KCNH4: variants seen among roughly 807,000 people sequenced by gnomAD.
KCNH4 encodes voltage-gated delayed rectifier potassium channel KCNH4.
A neutral mutation model predicts 90.7 loss-of-function variants in KCNH4; 33 were observed. The ratio of observed to expected loss-of-function variants is 0.36; its 90% CI spans 0.28 to 0.49. KCNH4 has a LOEUF of 0.49. KCNH4 is among the 20% of genes least tolerant of loss of function. The pLI is 0.98. For synonymous variants in KCNH4, 551 were observed against 581.7 expected (o/e 0.95, Z 0.76); for missense variants, 1,044 against 1,387.1 (o/e 0.75, Z 3.93).
At chr17:42,175,220 G>A (rs550158370) in intron 6 of KCNH4, among the ~76,000 whole-genome samples, 17 of 152,300 alleles carry the variant, frequency 1.1e-4, no homozygotes, top group Admixed American at 9.8e-4. Context: ...TTTCCCCACA[G>A]TGGCCATGCC....
intron 6 of KCNH4, among the ~76,000 whole-genome samples, chr17:42,172,814 C>G (rs1408264105): frequency 1.3e-5 from 2 of 151,906 alleles, no homozygotes; most frequent in African/African-American, 2.4e-5. Flanking sequence ...AGGCAACAGT[C>G]TCTGCAGAGC....
intron 10 of KCNH4, 32 bp from the exon 11 acceptor site, chr17:42,165,725 G>T (rs1262040585): frequency 1.2e-6 from 2 of 1,612,548 alleles, no homozygotes; most frequent in Non-Finnish European, 8.5e-7. Flanking sequence ...AGTCAGCTGG[G>T]GCAGTGAGAA....
At chr17:42,166,253 G>A (rs753918700) in intron 10 of KCNH4, 44 bp downstream of exon 10, 2 of 1,546,732 alleles carry the variant, frequency 1.3e-6, no homozygotes, top group African/African-American at 1.4e-5. Context: ...GGGGTTGCGG[G>A]GGGTGGTTCC....
chr17:42,179,062 G>A (rs1163019344), intron 1 of KCNH4, 36 bp from the exon 2 acceptor site: 44 of 1,536,016 alleles, frequency 2.9e-5, no homozygotes, highest in Non-Finnish European at 4.0e-5. Context: ...GGTCAAGGCT[G>A]GGAGGCGAGC....
intron 4 of KCNH4, 75 bp downstream of exon 4, chr17:42,178,025 G>A: frequency 6.4e-7 from 1 of 1,557,792 alleles, no homozygotes; most frequent in Non-Finnish European, 8.7e-7. Context: ...CAGGGAAGTG[G>A]GGAGACAGTG....
In KCNH4 at chr17:42,178,144, C is replaced by G. The variant is rs1000010324; in HGVS notation, c.541G>C (p.Gly181Arg). The G allele has an allele frequency of 3.7e-6, 6 of 1,614,012 alleles. No individual in the cohort carries two copies. The highest frequency in any genetic ancestry group is 3.3e-4 in the Middle Eastern group (2 of 6,084). Residue 181 changes from glycine (G) to arginine (R), a missense_variant, in exon 4 of 17, where the codon GGC becomes CGC. Around this residue, in one of 4 missense-constraint regions of KCNH4, gnomAD observed 283 missense variants for 378.6 expected, o/e 0.75. Coordinates refer to ENST00000264661, the MANE Select transcript of KCNH4 (RefSeq NM_012285.3). The part of the protein sequence containing the change: ...RSRTVLHRLT[G>R]HFGRRGQGGM... ...CCCTGGCCCCGGCGGCCAAAGTGGC[C>G]GGTCAGTCGGTGTAGGACAGTACGG...
At chr17:42,169,989 G>C in intron 8 of KCNH4, 118 bp downstream of exon 8, 3 of 1,071,878 alleles carry the variant, frequency 2.8e-6, no homozygotes, top group Non-Finnish European at 4.0e-6. Context: ...ATGAATGCGT[G>C]ACTGTCTGGA....
chr17:42,171,852 G>C lies in KCNH4; in HGVS notation c.1131C>G (p.Ala377=). 1 of 1,614,188 alleles carries C rather than the reference G, an allele frequency of 6.2e-7. No individual in the cohort carries two copies. Residue 377 remains alanine (A), a synonymous_variant, in exon 7 of 17, where the codon GCC becomes GCG. Coordinates refer to ENST00000264661, the MANE Select transcript of KCNH4 (RefSeq NM_012285.3). ...GGCGCCCGATGACATACCAGATGCA[G>C]GCCATCCAGTGGGCAAGGAGCGCAA... The part of the protein sequence containing the change: ...SVFALLAHWM[A]CIWYVIGRRE...
chr17:42,169,325 C>G (rs1457313147), intron 9 of KCNH4, 152 bp downstream of exon 9: 9 of 699,640 alleles, frequency 1.3e-5, no homozygotes, highest in Non-Finnish European at 1.9e-5. Flanking sequence ...AGTGACCTGC[C>G]CGCCTCAGCC....
intron 9 of KCNH4, among the ~76,000 whole-genome samples, chr17:42,168,760 TTTTTTA>T (rs879696086): frequency 2.1e-5 from 2 of 97,548 alleles, no homozygotes; most frequent in Non-Finnish European, 1.8e-5. Context: ...ATTTATTTAT[TTTTTTA>T]TTTTTATTTT....
intron 5 of KCNH4, 69 bp from the exon 6 acceptor site, chr17:42,175,805 C>A (rs2079856619): frequency 1.9e-6 from 3 of 1,579,922 alleles, no homozygotes; most frequent in Non-Finnish European, 2.6e-6. Context: ...AAGCTGGGAA[C>A]AAGCTTTGGA....
chr17:42,166,694 T>A, intron 9 of KCNH4, 148 bp from the exon 10 acceptor site: 2 of 1,021,754 alleles, frequency 2.0e-6, no homozygotes, highest in Non-Finnish European at 2.8e-6. Context: ...CCTCTGTGTC[T>A]AACCTCAATT....
chr17:42,178,677 TCA>T (rs933602222), intron 2 of KCNH4, 114 bp downstream of exon 2: 1 of 1,147,952 alleles, frequency 8.7e-7, no homozygotes, highest in African/African-American at 1.5e-5. Context: ...ATACGCTCCG[TCA>T]CAGTCAGCTT....
At chr17:42,170,468 T>C (rs540496054) in intron 7 of KCNH4, among the ~76,000 whole-genome samples, 167 bp from the exon 8 acceptor site, 2 of 152,212 alleles carry the variant, frequency 1.3e-5, no homozygotes, top group African/African-American at 2.4e-5. Context: ...TTGGTTACAG[T>C]TGCATTCCAA....
chr17:42,176,656 G>A (rs1288615968), intron 4 of KCNH4, among the ~76,000 whole-genome samples: 1 of 150,722 alleles, frequency 6.6e-6, no homozygotes, highest in South Asian at 2.1e-4. Flanking sequence ...CCAAACAGCT[G>A]GGACTACGGG....
At chr17:42,171,447 TG>T (rs1292533746) in intron 7 of KCNH4, among the ~76,000 whole-genome samples, 1 of 151,930 alleles carries the variant, frequency 6.6e-6, no homozygotes, top group East Asian at 1.9e-4. Flanking sequence ...AAGGGATTGA[TG>T]GGGGCAGAGA....
intron 15 of KCNH4, 46 bp downstream of exon 15, chr17:42,162,202 G>C: frequency 6.4e-7 from 1 of 1,562,402 alleles, no homozygotes; most frequent in Non-Finnish European, 8.8e-7. Flanking sequence ...TGTAGGGTCT[G>C]AAATGCTGTT....
At chr17:42,160,990 G>A (rs1046155028) in intron 15 of KCNH4, among the ~76,000 whole-genome samples, 17 of 126,988 alleles carry the variant, frequency 1.3e-4, no homozygotes, top group African/African-American at 5.0e-4. Context: ...GCAATGGCGC[G>A]ATCTCAGCTC....
Position 42,163,119 on chromosome 17 carries a change from A to G in KCNH4, c.2584+109T>C. The G allele has an allele frequency of 1.3e-6, 1 of 776,576 alleles. No individual in the cohort carries two copies. The highest frequency in any genetic ancestry group is 2.3e-6 in the Non-Finnish European group (1 of 436,676). 48.1% of individuals were successfully genotyped at this position (776,576 alleles called of 1,614,324 possible). The stretch of plus-strand genomic sequence containing the variant: ...TGGGCCAGGTCTGTTTTATCTGTGT[A>G]TTCCCAGGATGGCACCTGGCACATG... On this transcript the variant is annotated intron_variant, in intron 14 of 16. Transcript: ENST00000264661. The surrounding 1 kb of genome is among the most constrained non-coding windows in gnomAD (Gnocchi z 5.4).
Sources: allele counts gnomAD v4.1 joint callset (sites outside exome capture counted in the v4.1 genomes callset), GRCh38; gene constraint gnomAD v4.1.1; regional missense constraint gnomAD v4.1.1; non-coding constraint Gnocchi (gnomAD v3.1); transcripts MANE v1.5; gene names NCBI Gene and HGNC (gene_info 2026-07-23, HGNC 2026-07-21).